Variants in TRAPPC9 observed in about 807,000 individuals in gnomAD.
TRAPPC9 encodes the protein trafficking protein particle complex subunit 9.
TRAPPC9 carries 83 observed loss-of-function variants against 124.0 expected under a neutral mutation model. The observed-to-expected ratio is 0.67, with a 90% CI of 0.56 to 0.80. The LOEUF (loss-of-function observed/expected upper bound fraction) is 0.80. Among genes scored for constraint, TRAPPC9 ranks in the 30% least tolerant of loss-of-function variants. TRAPPC9 has a pLI of 0.00. For missense variants in TRAPPC9, 1,302 were observed against 1,508.3 expected, an observed-to-expected ratio of 0.86 and a Z score of 2.27; for synonymous variants, 638 against 617.5, an observed-to-expected ratio of 1.03 and a Z score of -0.49.
At chr8:140,132,792 C>CAGAGGA (rs1554629776) in intron 17 of TRAPPC9, among the ~76,000 whole-genome samples, 22 of 150,334 alleles carry the variant, frequency 1.5e-4, no homozygotes, top group Admixed American at 6.0e-4. Context: ...GAGGCCAAGT[C>CAGAGGA]GGAGGAGGAG....
chr8:140,407,562 A>C (rs1479225471), intron 5 of TRAPPC9, among the ~76,000 whole-genome samples: 1 of 152,168 alleles, frequency 6.6e-6, no homozygotes, highest in Non-Finnish European at 1.5e-5. Context: ...CACCTTTTAA[A>C]GAAAGGGCAT....
intron 21 of TRAPPC9, among the ~76,000 whole-genome samples, chr8:139,854,244 C>T (rs1827668043): frequency 6.6e-6 from 1 of 152,232 alleles, no homozygotes; most frequent in African/African-American, 2.4e-5. Context: ...CTACATGACT[C>T]TGGAACATCA....
chr8:139,801,681 G>T (rs1277354398), intron 21 of TRAPPC9, among the ~76,000 whole-genome samples: 3 of 152,214 alleles, frequency 2.0e-5, no homozygotes, highest in African/African-American at 4.8e-5. Context: ...TACAGTTCTG[G>T]GTTTCAACTG....
chr8:139,801,802 C>A (rs1195019241), intron 21 of TRAPPC9, among the ~76,000 whole-genome samples: 1 of 152,178 alleles, frequency 6.6e-6, no homozygotes, highest in Non-Finnish European at 1.5e-5. Flanking sequence ...CTCTCAAGCG[C>A]CAATTAGCTA....
intron 19 of TRAPPC9, among the ~76,000 whole-genome samples, chr8:139,973,603 G>T: frequency 6.6e-6 from 1 of 152,246 alleles, no homozygotes; most frequent in East Asian, 1.9e-4. Flanking sequence ...AAATTTCTAT[G>T]AAATTGGAAA....
chr8:140,267,615 G>A (rs954307395), intron 15 of TRAPPC9, among the ~76,000 whole-genome samples: 1 of 152,166 alleles, frequency 6.6e-6, no homozygotes, highest in Non-Finnish European at 1.5e-5. Flanking sequence ...CCACTCACCT[G>A]GTATGTGGAG....
At chr8:140,242,918 A>T (rs2063894906) in intron 16 of TRAPPC9, among the ~76,000 whole-genome samples, 1 of 152,206 alleles carries the variant, frequency 6.6e-6, no homozygotes, top group South Asian at 2.1e-4. Context: ...CCTGATTTCA[A>T]TGGCGGAAAA....
chr8:140,404,931 T>TGTGTGTGTGG (rs2069437970), intron 6 of TRAPPC9, among the ~76,000 whole-genome samples: 1 of 152,012 alleles, frequency 6.6e-6, no homozygotes, highest in Non-Finnish European at 1.5e-5. Flanking sequence ...TGTGTGTGTG[T>TGTGTGTGTGG]GTGTGTGTGT....
chr8:139,939,622 G>A (rs977370347), intron 19 of TRAPPC9, among the ~76,000 whole-genome samples: 1 of 152,198 alleles, frequency 6.6e-6, no homozygotes, highest in African/African-American at 2.4e-5. Context: ...GTGCATCCTG[G>A]CAGCCCCGTG....
intron 10 of TRAPPC9, among the ~76,000 whole-genome samples, chr8:140,306,365 G>A (rs1217395124): frequency 2.6e-5 from 4 of 151,912 alleles, no homozygotes; most frequent in East Asian, 3.9e-4. Flanking sequence ...ATGGTGGCAC[G>A]CACCTGTAGT....
intron 17 of TRAPPC9, among the ~76,000 whole-genome samples, chr8:140,218,010 C>T (rs1356587861): frequency 8.0e-6 from 1 of 125,686 alleles, no homozygotes; most frequent in African/African-American, 2.6e-5. Context: ...GAGCAATACT[C>T]TGTCTCCAAA....
chr8:139,838,961 C>CA (rs1826549047), intron 21 of TRAPPC9, among the ~76,000 whole-genome samples: 1 of 152,174 alleles, frequency 6.6e-6, no homozygotes, highest in African/African-American at 2.4e-5. Context: ...CACCAGGGGG[C>CA]AAAATCCACA....
chr8:140,097,117 C>T lies in TRAPPC9; in HGVS notation c.2557-73038G>A, dbSNP rs1194106304. The T allele has an allele frequency of 6.6e-6, 1 of 152,288 alleles. No homozygotes were observed. Among genetic ancestry groups the T allele is most frequent in the Non-Finnish European group, 1.5e-5 (1 of 68,106 alleles). 9.4% of individuals were successfully genotyped at this position (152,288 alleles called of 1,614,324 possible). A position where few individuals can be genotyped will look rare whatever the true frequency, so the allele number is the denominator to read the frequency against. On this transcript the variant is annotated intron_variant, in intron 17 of 22. Transcript: ENST00000438773. This position sits in a 1 kb window ranked among gnomAD's most constrained non-coding sequence, Gnocchi z 4.2. ...GTTGCAGTCAGAAGGGGAGGGACCT[C>T]CTCTACCCGGCTCCAGGTCTGGTTC... is the stretch of plus-strand genomic sequence containing the variant.
chr8:140,455,353 G>A (rs1027289072), intron 1 of TRAPPC9, among the ~76,000 whole-genome samples: 3 of 151,606 alleles, frequency 2.0e-5, no homozygotes, highest in South Asian at 2.1e-4. Context: ...GGCTGGTCTC[G>A]AACTCATGAT....
At chr8:140,067,207 A>C (rs1266694469) in intron 17 of TRAPPC9, among the ~76,000 whole-genome samples, 7 of 152,092 alleles carry the variant, frequency 4.6e-5, no homozygotes, top group Non-Finnish European at 1.0e-4. Context: ...GCAATGGCGC[A>C]GTCTTGGCTC....
In TRAPPC9 at chr8:140,156,990, CAAA is replaced by C. The variant is rs1241614430; in HGVS notation, c.2556+64466_2556+64468del. 1.9e-4 allele frequency among the ~76,000 whole-genome samples: 21 copies of C among 112,260 alleles called. 1 individual carries two copies. The highest frequency in any genetic ancestry group is 1.6e-3 in the East Asian group (5 of 3,080). The allele number at this position is 112,260 out of a possible 152,430, so 73.6% of individuals were successfully genotyped here. On this transcript the variant is annotated intron_variant, in intron 17 of 22. Coordinates refer to ENST00000438773, the MANE Select transcript of TRAPPC9 (RefSeq NM_001160372.4). ...CCATTCAAAAGCCTCCCTTTCCATT[CAAA>C]AGCCTCCCTTTTCCATTCAGAAGCC...
At chr8:139,951,632 C>T (rs567294595) in intron 19 of TRAPPC9, among the ~76,000 whole-genome samples, 1 of 152,332 alleles carries the variant, frequency 6.6e-6, no homozygotes, top group Admixed American at 6.5e-5. Flanking sequence ...AGCTGTACCT[C>T]AAGCTGCAGA....
intron 17 of TRAPPC9, among the ~76,000 whole-genome samples, chr8:140,035,618 CA>C (rs1380550690): frequency 6.6e-6 from 1 of 152,220 alleles, no homozygotes; most frequent in Non-Finnish European, 1.5e-5. Flanking sequence ...CCTTGAATAG[CA>C]ACTGTCGTTC....
At chr8:139,916,232 G>T (rs1274148347) in intron 19 of TRAPPC9, among the ~76,000 whole-genome samples, 2 of 152,194 alleles carry the variant, frequency 1.3e-5, no homozygotes, top group Non-Finnish European at 2.9e-5. Flanking sequence ...ACACACTGGG[G>T]TTTAGTTTTT....
Sources: allele counts gnomAD v4.1 joint callset (sites outside exome capture counted in the v4.1 genomes callset), GRCh38; gene constraint gnomAD v4.1.1; non-coding constraint Gnocchi (gnomAD v3.1); transcripts MANE v1.5; gene names NCBI Gene and HGNC (gene_info 2026-07-23, HGNC 2026-07-21).